Variants in VPS13B observed in about 807,000 individuals in gnomAD.
VPS13B encodes vacuolar protein sorting 13 homolog B.
A neutral mutation model predicts 426.4 loss-of-function variants in VPS13B; 285 were observed. The observed-to-expected ratio is 0.67, with a 90% CI of 0.61 to 0.74. The LOEUF is 0.74. VPS13B is among the 30% of genes least tolerant of loss of function. The probability of loss-of-function intolerance (pLI) is 0.00; values close to 1 mark genes in which losing one functional copy is unlikely to be tolerated. For missense variants in VPS13B, 4,537 were observed against 4,782.6 expected (o/e 0.95, Z 1.51); for synonymous variants, 1,676 against 1,676.4 (o/e 1.00, Z 0.01).
intron 17 of VPS13B, among the ~76,000 whole-genome samples, chr8:99,270,131 CTTTTTTTTTTTT>C (rs71273170): frequency 9.9e-5 from 3 of 30,312 alleles, no homozygotes; most frequent in African/African-American, 2.2e-4. Flanking sequence ...ATATAAGAAT[CTTTTTTTTTTTT>C]TTTTTTTTTT....
At chr8:99,732,134 A>G (rs1285180251) in intron 39 of VPS13B, among the ~76,000 whole-genome samples, 1 of 152,238 alleles carries the variant, frequency 6.6e-6, no homozygotes, top group Non-Finnish European at 1.5e-5. Context: ...TATGTCAATT[A>G]GTATTAGGTT....
chr8:99,699,802 A>G lies in VPS13B; in HGVS notation c.6324A>G (p.Lys2108=). The G allele has an allele frequency of 6.2e-7, 1 of 1,613,924 alleles. No homozygotes were observed. Among genetic ancestry groups the G allele is most frequent in the Non-Finnish European group, 8.5e-7 (1 of 1,179,926 alleles). Residue 2108 remains lysine (K), a synonymous_variant, in exon 36 of 62, where the codon AAA becomes AAG. Transcript: ENST00000357162. The part of the protein sequence containing the change: ...NMWRAVSCFQ[K]ISVQTTQIVI... ...GGAGAGCTGTTTCCTGCTTTCAAAA[A>G]ATTTCTGTTCAAACTACTCAGATTG...
intron 17 of VPS13B, among the ~76,000 whole-genome samples, chr8:99,267,913 G>A (rs1438763385): frequency 6.6e-6 from 1 of 151,982 alleles, no homozygotes; most frequent in Non-Finnish European, 1.5e-5. Flanking sequence ...GTCTAGGAGG[G>A]AAAAATGGTT....
intron 17 of VPS13B, among the ~76,000 whole-genome samples, chr8:99,246,377 T>C (rs1209747904): frequency 6.6e-6 from 1 of 152,188 alleles, no homozygotes; most frequent in Admixed American, 6.5e-5. Context: ...ACTGGCAAGG[T>C]ATGACCCATG....
At chr8:99,307,158 G>A (rs545693834) in intron 19 of VPS13B, among the ~76,000 whole-genome samples, 28 of 152,152 alleles carry the variant, frequency 1.8e-4, no homozygotes, top group Admixed American at 1.7e-3. Flanking sequence ...TCTTGATAGA[G>A]AATGGTAATA....
chr8:99,398,806 G>T (rs906170726), intron 21 of VPS13B, among the ~76,000 whole-genome samples: 2 of 143,472 alleles, frequency 1.4e-5, no homozygotes, highest in Non-Finnish European at 3.0e-5. Flanking sequence ...TATTTAGGTG[G>T]GACAAGTATT....
At chr8:99,185,104 G>A (rs979482036) in intron 16 of VPS13B, among the ~76,000 whole-genome samples, 10 of 152,208 alleles carry the variant, frequency 6.6e-5, no homozygotes, top group African/African-American at 2.4e-4. Context: ...AAAGACCACT[G>A]TAGAAGGATT....
rs557888556 is a variant in VPS13B at position 99,503,154 on chromosome 8, A to G, written c.4157+204A>G. 2.0e-5 allele frequency among the ~76,000 whole-genome samples: 3 copies of G among 152,346 alleles called. No homozygotes were observed. The South Asian group carries it at 6.2e-4, about 32-fold the overall frequency. ...AGTGACAGAAATTGTTTGGTTTCTCAGTGTATATAAAGTTGTGTTTACACT... is the reference window on the plus strand; with the variant it reads ...AGTGACAGAAATTGTTTGGTTTCTCGGTGTATATAAAGTTGTGTTTACACT... On this transcript the variant is annotated intron_variant, in intron 27 of 61. Transcript: ENST00000357162.
intron 17 of VPS13B, among the ~76,000 whole-genome samples, chr8:99,272,781 T>C (rs572221387): frequency 2.0e-5 from 3 of 152,318 alleles, no homozygotes; most frequent in Non-Finnish European, 4.4e-5. Flanking sequence ...ATTTGCTTCC[T>C]TTTTATCTAT....
chr8:99,396,560 G>A (rs570257812), intron 21 of VPS13B, among the ~76,000 whole-genome samples: 1 of 151,942 alleles, frequency 6.6e-6, no homozygotes, highest in East Asian at 1.9e-4. Context: ...AATCAGGTCT[G>A]TGCAAATTTT....
At chr8:99,490,094 A>G (rs1820519811) in intron 25 of VPS13B, among the ~76,000 whole-genome samples, 1 of 152,166 alleles carries the variant, frequency 6.6e-6, no homozygotes, top group African/African-American at 2.4e-5. Context: ...TAGTTTATTG[A>G]GAGTTTTTAG....
intron 35 of VPS13B, among the ~76,000 whole-genome samples, chr8:99,666,614 C>G (rs1830497462): frequency 6.6e-6 from 1 of 152,156 alleles, no homozygotes; most frequent in Non-Finnish European, 1.5e-5. Context: ...AACAACCCTT[C>G]ATGCTAAAAA....
At chr8:99,450,056 G>T (rs1336120593) in intron 23 of VPS13B, among the ~76,000 whole-genome samples, 2 of 152,118 alleles carry the variant, frequency 1.3e-5, no homozygotes, top group Admixed American at 1.3e-4. Context: ...ACCCCTCTTG[G>T]CCTCCCAAAG....
chr8:99,187,049 T>C (rs1305187697), intron 16 of VPS13B, among the ~76,000 whole-genome samples: 11 of 152,180 alleles, frequency 7.2e-5, no homozygotes, highest in South Asian at 2.1e-4. Context: ...ATACAAATAC[T>C]TACTGCTGTA....
At position 99,135,001 on chromosome 8, in the gene VPS13B, C is replaced by G; in HGVS notation, c.1303-14C>G. 6.2e-7 allele frequency: 1 copy of G among 1,613,140 alleles called. No homozygotes were observed. The highest frequency in any genetic ancestry group is 8.5e-7 in the Non-Finnish European group (1 of 1,179,370). ...ATTCAATTCTTAGTTCTAATGTTTC[C>G]TTTCGTCTTATAGGCCCTTATGATG... On this transcript the variant is annotated splice_polypyrimidine_tract_variant and intron_variant, in intron 9 of 61. Coordinates refer to ENST00000357162, the MANE Select transcript of VPS13B (RefSeq NM_152564.5).
At chr8:99,657,090 C>T (rs533787429) in intron 34 of VPS13B, among the ~76,000 whole-genome samples, 7 of 152,286 alleles carry the variant, frequency 4.6e-5, no homozygotes, top group Admixed American at 4.6e-4. Context: ...TTTCTAACTT[C>T]TCCTGTGCTT....
chr8:99,552,034 C>T (rs1824307680), intron 30 of VPS13B, among the ~76,000 whole-genome samples: 1 of 151,944 alleles, frequency 6.6e-6, no homozygotes, highest in African/African-American at 2.4e-5. Context: ...TCTCTATTCT[C>T]CATGAATCTT....
chr8:99,072,827 T>C (rs1251431912), intron 3 of VPS13B, among the ~76,000 whole-genome samples: 2 of 152,196 alleles, frequency 1.3e-5, no homozygotes, highest in African/African-American at 4.8e-5. Flanking sequence ...GATATTCAGT[T>C]TCACTGCACC....
At chr8:99,811,300 G>A (rs190695737) in intron 44 of VPS13B, among the ~76,000 whole-genome samples, 1 of 152,022 alleles carries the variant, frequency 6.6e-6, no homozygotes, top group Non-Finnish European at 1.5e-5. Context: ...TACAACAAGC[G>A]CAAAACTTGT....
Sources: gnomAD v4.1 joint callset for allele counts (sites outside exome capture counted in the v4.1 genomes callset) on GRCh38, gnomAD v4.1.1 for gene constraint, MANE v1.5 for transcripts, NCBI Gene and HGNC (gene_info 2026-07-23, HGNC 2026-07-21) for gene names.